The following PDZRN4 variants were observed in gnomAD, a reference collection of about 807,000 sequenced individuals.
PDZRN4 encodes PDZ domain-containing RING finger protein 4.
A neutral mutation model predicts 99.0 loss-of-function variants in PDZRN4; 70 were observed. That is an observed-to-expected ratio of 0.71 (90% CI 0.58 to 0.86). The LOEUF (loss-of-function observed/expected upper bound fraction) is 0.86. Among genes scored for constraint, PDZRN4 ranks in the 40% least tolerant of loss-of-function variants. PDZRN4 has a pLI of 0.00. For missense variants in PDZRN4, 1,474 were observed against 1,331.2 expected (o/e 1.11, Z -1.67); for synonymous variants, 551 against 501.6 (o/e 1.10, Z -1.32).
chr12:41,479,225 TAGAA>T (rs1252310247), intron 3 of PDZRN4, among the ~76,000 whole-genome samples: 13 of 152,284 alleles, frequency 8.5e-5, no homozygotes, highest in Non-Finnish European at 1.6e-4. Context: ...TTTTTATTGA[TAGAA>T]AGAAAAGCTG....
intron 3 of PDZRN4, among the ~76,000 whole-genome samples, chr12:41,270,291 G>C (rs1268136459): frequency 6.7e-6 from 1 of 149,384 alleles, no homozygotes; most frequent in Non-Finnish European, 1.5e-5. Flanking sequence ...TGTGTGGTGT[G>C]TGTGTGTGTC....
chr12:41,413,876 A>G (rs1236879566), intron 3 of PDZRN4, among the ~76,000 whole-genome samples: 1 of 152,018 alleles, frequency 6.6e-6, no homozygotes, highest in Non-Finnish European at 1.5e-5. Flanking sequence ...TGGTTGTTTC[A>G]TAGTTTCTAT....
chr12:41,544,169 C>A (rs192171283), intron 5 of PDZRN4, among the ~76,000 whole-genome samples: 1 of 152,146 alleles, frequency 6.6e-6, no homozygotes, highest in Non-Finnish European at 1.5e-5. Context: ...AGGAAAATGT[C>A]CAGTGAGTAA....
At chr12:41,549,173 G>A (rs1164219019) in intron 5 of PDZRN4, among the ~76,000 whole-genome samples, 1 of 152,166 alleles carries the variant, frequency 6.6e-6, no homozygotes, top group East Asian at 1.9e-4. Flanking sequence ...TGGAGAAAAT[G>A]TACAGAGGTA....
chr12:41,277,671 G>A (rs7296634), intron 3 of PDZRN4, among the ~76,000 whole-genome samples: 85,312 of 152,040 alleles, frequency 0.56, 25,937 homozygotes, highest in East Asian at 0.71. Flanking sequence ...TAGAGTTACT[G>A]CTGGAACGAA....
chr12:41,189,235 C>T, intron 1 of PDZRN4, 132 bp downstream of exon 1: 1 of 760,258 alleles, frequency 1.3e-6, no homozygotes, highest in East Asian at 3.0e-5. Context: ...CATCCACACC[C>T]TGATCATACT....
chr12:41,282,963 A>G (rs1279995711), intron 3 of PDZRN4, among the ~76,000 whole-genome samples: 3 of 152,198 alleles, frequency 2.0e-5, no homozygotes, highest in Non-Finnish European at 1.5e-5. Context: ...AATTAAAACA[A>G]CTAGAGAAGC....
At chr12:41,558,124 A>G (rs1939199504) in intron 7 of PDZRN4, among the ~76,000 whole-genome samples, 1 of 152,250 alleles carries the variant, frequency 6.6e-6, no homozygotes, top group Admixed American at 6.5e-5. Flanking sequence ...TAAATTTTGA[A>G]ATAATTTTAA....
At chr12:41,410,165 T>A (rs1952384945) in intron 3 of PDZRN4, among the ~76,000 whole-genome samples, 1 of 152,204 alleles carries the variant, frequency 6.6e-6, no homozygotes, top group Admixed American at 6.5e-5. Context: ...TTTAAAAATG[T>A]GAACAATAGC....
chr12:41,190,039 T>G (rs948403569), intron 1 of PDZRN4, among the ~76,000 whole-genome samples: 2 of 152,176 alleles, frequency 1.3e-5, no homozygotes, highest in Non-Finnish European at 2.9e-5. Flanking sequence ...GCACAGTGTC[T>G]GACATTGTTG....
chr12:41,250,396 G>C (rs1356076626), intron 3 of PDZRN4, among the ~76,000 whole-genome samples: 1 of 151,892 alleles, frequency 6.6e-6, no homozygotes, highest in Non-Finnish European at 1.5e-5. Context: ...TTTAATATGA[G>C]GGAACTTCAA....
chr12:41,424,728 G>GTAT (rs1952520937), intron 3 of PDZRN4, among the ~76,000 whole-genome samples: 2 of 152,162 alleles, frequency 1.3e-5, no homozygotes, highest in African/African-American at 2.4e-5. Flanking sequence ...GTGCAAGTCA[G>GTAT]GAAGCTCCTC....
intron 3 of PDZRN4, among the ~76,000 whole-genome samples, chr12:41,268,474 A>G (rs1951293622): frequency 6.6e-6 from 1 of 152,232 alleles, no homozygotes; most frequent in Admixed American, 6.5e-5. Flanking sequence ...CAAACCAGAC[A>G]GGCTCCAAAG....
Position 41,213,995 on chromosome 12 carries a change from C to T in PDZRN4, c.843+19807C>T, listed in dbSNP as rs543873059. On this transcript the variant is annotated intron_variant, in intron 3 of 9. Transcript: ENST00000402685. ...ATATTTCAAAAAATTTAAAGCAATGCGTGGTACATAGCCACCTTCGTAAAA... is the reference window on the plus strand; with the variant it reads ...ATATTTCAAAAAATTTAAAGCAATGTGTGGTACATAGCCACCTTCGTAAAA... Among the ~76,000 whole-genome samples, 17 of 151,900 alleles carry T rather than the reference C, an allele frequency of 1.1e-4. No homozygotes were observed. The East Asian group carries it at 1.4e-3, about 12-fold the overall frequency.
chr12:41,525,385 G>A (rs568766746), intron 5 of PDZRN4, among the ~76,000 whole-genome samples: 2 of 152,078 alleles, frequency 1.3e-5, no homozygotes, highest in South Asian at 4.2e-4. Context: ...TGACACTCAG[G>A]TTCTTTACCT....
intron 3 of PDZRN4, among the ~76,000 whole-genome samples, chr12:41,265,096 T>A (rs1212265708): frequency 1.3e-5 from 2 of 148,230 alleles, no homozygotes; most frequent in Non-Finnish European, 2.9e-5. Flanking sequence ...AAATCTAGAA[T>A]AAATTGTAAA....
chr12:41,404,094 A>C (rs952016223), intron 3 of PDZRN4, among the ~76,000 whole-genome samples: 2 of 152,094 alleles, frequency 1.3e-5, no homozygotes, highest in Admixed American at 1.3e-4. Flanking sequence ...TACTTATAAT[A>C]CCTAATACAA....
At position 41,201,382 on chromosome 12, in the gene PDZRN4, A is replaced by C. The variant is rs181620274; in HGVS notation, c.843+7194A>C. Among the ~76,000 whole-genome samples, 315 of 152,152 alleles carry C rather than the reference A, an allele frequency of 2.1e-3. 1 individual carries two copies. Among genetic ancestry groups the C allele is most frequent in the African/African-American group, 6.9e-3 (288 of 41,550 alleles). Reference sequence around the variant, plus strand: ...CTATCTTTTCTTCTCCATTGTCAATAGATCTTTATACCTCTCACTTTCATA... The same window carrying C: ...CTATCTTTTCTTCTCCATTGTCAATCGATCTTTATACCTCTCACTTTCATA... On this transcript the variant is annotated intron_variant, in intron 3 of 9. Coordinates refer to ENST00000402685, the MANE Select transcript of PDZRN4 (RefSeq NM_001164595.2).
intron 5 of PDZRN4, among the ~76,000 whole-genome samples, chr12:41,529,806 C>T (rs1007910778): frequency 6.6e-6 from 1 of 152,170 alleles, no homozygotes; most frequent in African/African-American, 2.4e-5. Context: ...TCTTTTGTTG[C>T]TATTCCATGA....
Sources: allele counts gnomAD v4.1 joint callset (sites outside exome capture counted in the v4.1 genomes callset), GRCh38; gene constraint gnomAD v4.1.1; transcripts MANE v1.5; gene names NCBI Gene and HGNC (gene_info 2026-07-23, HGNC 2026-07-21).